The following MAPRE1 variants were observed in gnomAD, a reference collection of about 807,000 sequenced individuals.
MAPRE1 encodes microtubule associated protein RP/EB family member 1.
MAPRE1 carries 5 observed loss-of-function variants against 32.1 expected under a neutral mutation model. The ratio of observed to expected loss-of-function variants is 0.16; its 90% CI spans 0.08 to 0.33. The LOEUF is 0.33. MAPRE1 is among the 10% of genes least tolerant of loss of function. The pLI, the probability that MAPRE1 is intolerant of heterozygous loss-of-function variation, is 1.00. For missense variants in MAPRE1, 209 were observed against 327.2 expected (o/e 0.64, Z 2.79); for synonymous variants, 122 against 118.9 (o/e 1.03, Z -0.17).
chr20:32,838,197 T>G (rs1284363489), intron 4 of MAPRE1, among the ~76,000 whole-genome samples: 1 of 152,226 alleles, frequency 6.6e-6, no homozygotes, highest in Admixed American at 6.5e-5. Context: ...TTTCTGTCTC[T>G]GGATTTGCCA....
chr20:32,831,905 G>C (rs1424858567), intron 2 of MAPRE1, among the ~76,000 whole-genome samples: 1 of 145,822 alleles, frequency 6.9e-6, no homozygotes, highest in Non-Finnish European at 1.5e-5. Flanking sequence ...TTGCTGAATA[G>C]ATTGTCTTCT....
intron 3 of MAPRE1, among the ~76,000 whole-genome samples, chr20:32,835,563 G>C (rs1411186486): frequency 2.0e-5 from 3 of 151,730 alleles, no homozygotes; most frequent in Admixed American, 1.3e-4. Flanking sequence ...TCTGCATCTT[G>C]ATCTATTTTC....
intron 1 of MAPRE1, among the ~76,000 whole-genome samples, chr20:32,820,267 C>A (rs1384079600): frequency 3.7e-5 from 4 of 109,282 alleles, no homozygotes; most frequent in Admixed American, 1.9e-4. Flanking sequence ...TGCTGCTACG[C>A]GGGGTGGGGG....
intron 1 of MAPRE1, among the ~76,000 whole-genome samples, chr20:32,825,551 T>G (rs938749988): frequency 6.6e-6 from 1 of 152,102 alleles, no homozygotes; most frequent in Non-Finnish European, 1.5e-5. Flanking sequence ...TCCCAGAACT[T>G]TGGGAGGCCA....
At position 32,843,915 on chromosome 20, in the gene MAPRE1, G is replaced by A. The variant is rs573790720; in HGVS notation, c.598-2703G>A. On this transcript the variant is annotated intron_variant, in intron 5 of 6. Transcript: ENST00000375571. ...GTCACACAGGCTGGAGTGCAGTGGCGTGAGCTCAGCTCACTGCAACCTCTG... is the reference window on the plus strand; with the variant it reads ...GTCACACAGGCTGGAGTGCAGTGGCATGAGCTCAGCTCACTGCAACCTCTG... 2.0e-4 allele frequency among the ~76,000 whole-genome samples: 30 copies of A among 151,322 alleles called. 1 individual carries two copies. The highest frequency in any genetic ancestry group is 6.8e-4 in the African/African-American group (28 of 41,154).
chr20:32,823,100 G>C (rs1194303155), intron 1 of MAPRE1, among the ~76,000 whole-genome samples: 1 of 152,222 alleles, frequency 6.6e-6, no homozygotes, highest in Admixed American at 6.5e-5. Context: ...AAGATACTAT[G>C]AGGTGCCTGG....
intron 2 of MAPRE1, among the ~76,000 whole-genome samples, chr20:32,830,644 C>G (rs745868772): frequency 2.0e-5 from 3 of 152,204 alleles, no homozygotes; most frequent in Non-Finnish European, 4.4e-5. Flanking sequence ...TCCCAGCCCC[C>G]ACCTTCCCTT....
rs570706680 is a variant in MAPRE1, at chr20:32,821,545, C to T, written c.-4+1517C>T. ...TTTTGGCACAGAGGGAAGCTTAGGA[C>T]GTGATGTGCCTTTTGCTTAAGTGTT... On this transcript the variant is annotated intron_variant, in intron 1 of 6. Transcript: ENST00000375571. Among the ~76,000 whole-genome samples, 12 of 152,264 alleles carry T rather than the reference C, an allele frequency of 7.9e-5. No individual in the cohort carries two copies. In the East Asian group the frequency reaches 2.3e-3, roughly 29 times the overall value.
intron 2 of MAPRE1, among the ~76,000 whole-genome samples, chr20:32,830,165 G>C (rs766513090): frequency 3.3e-5 from 5 of 151,958 alleles, no homozygotes; most frequent in Non-Finnish European, 5.9e-5. Context: ...GGGTTCCTTC[G>C]CAGCAAAGGT....
In MAPRE1 at chr20:32,848,704, A is replaced by T; in HGVS notation, c.783A>T (p.Pro261=). ...TTGTGATACCTGATGAAGGGGGCCC[A>T]CAGGAGGAGCAAGAAGAGTATTAAC... The part of the protein sequence containing the change: ...EGFVIPDEGG[P]QEEQEEY Residue 261 remains proline, a synonymous_variant, in exon 7 of 7, where the codon CCA becomes CCT. Coordinates refer to ENST00000375571, the MANE Select transcript of MAPRE1 (RefSeq NM_012325.3). 6.2e-7 allele frequency: 1 copy of T among 1,613,086 alleles called. No homozygotes were observed. The highest frequency in any genetic ancestry group is 8.5e-7 in the Non-Finnish European group (1 of 1,179,554).
At chr20:32,841,346 C>T (rs1027173180) in intron 5 of MAPRE1, among the ~76,000 whole-genome samples, 3 of 152,016 alleles carry the variant, frequency 2.0e-5, no homozygotes, top group South Asian at 2.1e-4. Flanking sequence ...GAAAGAAATA[C>T]GAGAGAGTAA....
At chr20:32,846,260 A>G (rs1388775754) in intron 5 of MAPRE1, among the ~76,000 whole-genome samples, 4 of 152,078 alleles carry the variant, frequency 2.6e-5, no homozygotes, top group Non-Finnish European at 5.9e-5. Context: ...TCAGACCTGG[A>G]CTTGATTGTC....
At chr20:32,838,061 T>G (rs917659844) in intron 4 of MAPRE1, among the ~76,000 whole-genome samples, 3 of 152,108 alleles carry the variant, frequency 2.0e-5, no homozygotes, top group African/African-American at 7.2e-5. Context: ...GCAGCCTGGG[T>G]GAGAGAGACA....
intron 1 of MAPRE1, 74 bp downstream of exon 1, chr20:32,820,102 C>G (rs1356560902): frequency 1.3e-5 from 2 of 151,404 alleles, no homozygotes; most frequent in African/African-American, 4.9e-5. Context: ...CGTGCGCGGG[C>G]AGGCCCTACG....
At chr20:32,834,441 T>C (rs2146130009) in intron 3 of MAPRE1, among the ~76,000 whole-genome samples, 1 of 152,330 alleles carries the variant, frequency 6.6e-6, no homozygotes, top group Non-Finnish European at 1.5e-5. Flanking sequence ...ATTTAATGTT[T>C]AGCACAAATA....
At chr20:32,824,329 G>A (rs544061501) in intron 1 of MAPRE1, among the ~76,000 whole-genome samples, 1 of 152,372 alleles carries the variant, frequency 6.6e-6, no homozygotes, top group South Asian at 2.1e-4. Context: ...TTGAAAATTA[G>A]ACTCATTGCT....
At chr20:32,838,030 C>T (rs185204601) in intron 4 of MAPRE1, among the ~76,000 whole-genome samples, 2 of 152,318 alleles carry the variant, frequency 1.3e-5, no homozygotes, top group East Asian at 3.9e-4. Flanking sequence ...TTGCAGTGAG[C>T]CAAGATCGCA....
At chr20:32,832,871 G>A (rs1340204086) in intron 2 of MAPRE1, among the ~76,000 whole-genome samples, 1 of 135,952 alleles carries the variant, frequency 7.4e-6, no homozygotes, top group Non-Finnish European at 1.5e-5. Flanking sequence ...TTGAACTCAG[G>A]AAGTAGAGGT....
intron 4 of MAPRE1, among the ~76,000 whole-genome samples, chr20:32,837,179 A>G (rs560494202): frequency 1.3e-5 from 2 of 152,344 alleles, no homozygotes; most frequent in African/African-American, 4.8e-5. Context: ...CTCATGTAAG[A>G]GAGCATTAGT....
Sources: gnomAD v4.1 joint callset for allele counts (sites outside exome capture counted in the v4.1 genomes callset) on GRCh38, gnomAD v4.1.1 for gene constraint, MANE v1.5 for transcripts, NCBI Gene and HGNC (gene_info 2026-07-23, HGNC 2026-07-21) for gene names.